The following REG4 variants were observed in gnomAD, a reference collection of about 807,000 sequenced individuals.
REG4 encodes the protein regenerating family member 4, also known as regenerating islet-derived protein 4.
In REG4, 16 loss-of-function variants were observed where a neutral mutation model predicts 22.3. The ratio of observed to expected loss-of-function variants is 0.72; its 90% CI spans 0.49 to 1.09. The LOEUF is 1.09. REG4 is among the 50% of genes least tolerant of loss of function. REG4 has a pLI of 0.00. For synonymous variants in REG4, 71 were observed against 69.2 expected, an observed-to-expected ratio of 1.03 and a Z score of -0.13; for missense variants, 214 against 193.9, an observed-to-expected ratio of 1.10 and a Z score of -0.61.
In REG4 at chr1:119,794,618, C is replaced by G. The variant is rs1653877748; in HGVS notation, c.477G>C (p.Ter159TyrextTer47). ...RQHFLCKYRP[*>Y] The stretch of plus-strand genomic sequence containing the variant: ...AGTTAGCAGAATCTTGATTCTTGCT[C>G]TATGGTCGGTACTTGCACAGGAAGT... The change falls in exon 6 of 6, where the codon TAG becomes TAC. Residue 159 changes from the stop codon to tyrosine, a stop_lost. Coordinates refer to ENST00000256585, the MANE Select transcript of REG4 (RefSeq NM_032044.4). The G allele has an allele frequency of 6.2e-7, 1 of 1,613,906 alleles. No individual in the cohort carries two copies.
rs919607453 is a variant in REG4 at position 119,811,436 on chromosome 1, C to G, written c.-122G>C. 1.0e-5 allele frequency: 1 copy of G among 96,964 alleles called. No individual in the cohort carries two copies. The highest frequency in any genetic ancestry group is 5.3e-5 in the African/African-American group (1 of 18,908). 6.0% of individuals were successfully genotyped at this position (96,964 alleles called of 1,614,324 possible). On this transcript the variant is annotated 5_prime_UTR_variant, in exon 1 of 6. Coordinates refer to ENST00000256585, the MANE Select transcript of REG4 (RefSeq NM_032044.4). Reference sequence around the variant, plus strand: ...GTTTGGCAACCAAGACTCTAAGGGCCCCTGCCTTCTTCAGTGTCTCCAGTG... The same window carrying G: ...GTTTGGCAACCAAGACTCTAAGGGCGCCTGCCTTCTTCAGTGTCTCCAGTG...
At chr1:119,803,251 C>T (rs1300299115) in intron 2 of REG4, 86 bp from the exon 3 acceptor site, 6 of 1,371,314 alleles carry the variant, frequency 4.4e-6, no homozygotes, top group Admixed American at 3.0e-5. Flanking sequence ...TCAGGAACCC[C>T]TTGAATGAAG....
intron 2 of REG4, among the ~76,000 whole-genome samples, chr1:119,804,015 TTGGTGAA>T: frequency 6.6e-6 from 1 of 152,296 alleles, no homozygotes; most frequent in East Asian, 1.9e-4. Flanking sequence ...TGCTAGTCCA[TTGGTGAA>T]TGTGCCATGT....
chr1:119,797,004 G>A (rs1490364905), intron 5 of REG4, among the ~76,000 whole-genome samples: 4 of 152,178 alleles, frequency 2.6e-5, no homozygotes, highest in Non-Finnish European at 4.4e-5. Flanking sequence ...GTCTGAAAAC[G>A]AATCCCTGAT....
At chr1:119,804,603 C>G (rs1263228609) in intron 2 of REG4, among the ~76,000 whole-genome samples, 1 of 152,220 alleles carries the variant, frequency 6.6e-6, no homozygotes, top group Non-Finnish European at 1.5e-5. Context: ...TCATCTTCTA[C>G]TACATTCATA....
chr1:119,799,409 TACACACACACACAC>T lies in REG4; in HGVS notation c.303+302_303+315del, dbSNP rs58324924. Among the ~76,000 whole-genome samples, 263 of 150,354 alleles carry T rather than the reference TACACACACACACAC, an allele frequency of 1.7e-3. 2 individuals are homozygous for T. The highest frequency in any genetic ancestry group is 5.3e-3 in the African/African-American group (219 of 41,002). The stretch of plus-strand genomic sequence containing the variant: ...CTGTCTCATAATAGGCCTGTGTGCG[TACACACACACACAC>T]ACACACACACACACACACACACACT... On this transcript the variant is annotated intron_variant, in intron 4 of 5. Transcript: ENST00000256585.
rs146659321 is a variant in REG4, at chr1:119,795,126, T to C, written c.410-441A>G. Among the ~76,000 whole-genome samples, 12 of 152,294 alleles carry C rather than the reference T, an allele frequency of 7.9e-5. 1 individual carries two copies. The highest frequency in any genetic ancestry group is 2.9e-4 in the African/African-American group (12 of 41,566). On this transcript the variant is annotated intron_variant, in intron 5 of 5. Coordinates refer to ENST00000256585, the MANE Select transcript of REG4 (RefSeq NM_032044.4). ...GCCAATTCCTCAAAGTAAATCTCTG[T>C]CTCTCTATATATACATCCAACTACT...
At chr1:119,805,929 C>T (rs772673520) in intron 2 of REG4, among the ~76,000 whole-genome samples, 25 of 152,098 alleles carry the variant, frequency 1.6e-4, no homozygotes, top group Non-Finnish European at 3.2e-4. Flanking sequence ...AACGGCCGCT[C>T]TGCTGCGCTA....
chr1:119,802,221 T>G, intron 3 of REG4: 6 of 565,158 alleles, frequency 1.1e-5, no homozygotes, highest in Non-Finnish European at 1.3e-5. Flanking sequence ...TTACTCTCAG[T>G]GTAAACTTGG....
intron 3 of REG4, chr1:119,801,340 A>G (rs1654090841): frequency 6.6e-6 from 1 of 152,188 alleles, no homozygotes; most frequent in Admixed American, 6.5e-5. Flanking sequence ...ATTTAATAAT[A>G]ATTTAGTCCT....
At position 119,794,507 on chromosome 1, in the gene REG4, C is replaced by T. The variant is rs587705200; in HGVS notation, c.*111G>A. ...AAAGCCAGTGTAGTAGGGCCCTTATCACTCTTAGTTTGCTAGGTTTCCCCT... is the reference window on the plus strand; with the variant it reads ...AAAGCCAGTGTAGTAGGGCCCTTATTACTCTTAGTTTGCTAGGTTTCCCCT... On this transcript the variant is annotated 3_prime_UTR_variant, in exon 6 of 6. Transcript: ENST00000256585. The T allele has an allele frequency of 1.7e-5, 17 of 998,376 alleles. No individual in the cohort carries two copies. The South Asian group carries it at 2.0e-4, about 12-fold the overall frequency. 61.8% of individuals were successfully genotyped at this position (998,376 alleles called of 1,614,324 possible).
intron 1 of REG4, among the ~76,000 whole-genome samples, chr1:119,809,673 A>AT (rs1478490537): frequency 6.6e-6 from 1 of 152,198 alleles, no homozygotes; most frequent in African/African-American, 2.4e-5. Flanking sequence ...ACTTTCATGC[A>AT]TTTTTTATTT....
intron 5 of REG4, among the ~76,000 whole-genome samples, chr1:119,795,164 G>C (rs587656363): frequency 2.0e-5 from 3 of 152,260 alleles, no homozygotes; most frequent in Admixed American, 6.5e-5. Flanking sequence ...TGTTTCCCTG[G>C]AGAACCGTAA....
chr1:119,798,639 C>CTG, intron 4 of REG4, 37 bp from the exon 5 acceptor site: 1 of 1,548,180 alleles, frequency 6.5e-7, no homozygotes, highest in Non-Finnish European at 8.9e-7. Flanking sequence ...TACAGCTCAG[C>CTG]AACCCACCTG....
intron 2 of REG4, among the ~76,000 whole-genome samples, chr1:119,804,553 C>T (rs12026022): frequency 6.6e-6 from 1 of 152,196 alleles, no homozygotes; most frequent in Non-Finnish European, 1.5e-5. Flanking sequence ...GTCAAATATA[C>T]TACAAACAAA....
chr1:119,807,031 T>C (rs890511958), intron 2 of REG4, among the ~76,000 whole-genome samples: 1 of 152,228 alleles, frequency 6.6e-6, no homozygotes, highest in Non-Finnish European at 1.5e-5. Flanking sequence ...CCATCATCAT[T>C]ATTATGTAAT....
chr1:119,794,213 G>C lies in REG4; in HGVS notation c.*405C>G, dbSNP rs1489338228. On this transcript the variant is annotated 3_prime_UTR_variant, in exon 6 of 6. Transcript: ENST00000256585. ...GTTGAGTGGCTGGGGTGGGGTGCAGGCAATGGAGAGAGGGCAGAAGGGTGT... is the reference window on the plus strand; with the variant it reads ...GTTGAGTGGCTGGGGTGGGGTGCAGCCAATGGAGAGAGGGCAGAAGGGTGT... The C allele has an allele frequency of 1.9e-6, 1 of 538,122 alleles. No individual in the cohort carries two copies. Among genetic ancestry groups the C allele is most frequent in the Admixed American group, 1.9e-5 (1 of 51,732 alleles). The allele number at this position is 538,122 out of a possible 1,614,324, so 33.3% of individuals were successfully genotyped here.
chr1:119,805,504 G>C (rs950039186), intron 2 of REG4, among the ~76,000 whole-genome samples: 3 of 152,110 alleles, frequency 2.0e-5, no homozygotes, highest in African/African-American at 7.2e-5. Flanking sequence ...GTTTCCCCTG[G>C]ATCCAAGCCA....
intron 3 of REG4, among the ~76,000 whole-genome samples, chr1:119,800,147 G>A (rs148144860): frequency 4.6e-5 from 7 of 152,298 alleles, no homozygotes; most frequent in African/African-American, 1.7e-4. Flanking sequence ...ATGTGACCTT[G>A]ACAAGTCACT....
Sources: gnomAD v4.1 joint callset for allele counts (sites outside exome capture counted in the v4.1 genomes callset) on GRCh38, gnomAD v4.1.1 for gene constraint, MANE v1.5 for transcripts, NCBI Gene and HGNC (gene_info 2026-07-23, HGNC 2026-07-21) for gene names.